CFAP99: variants seen among roughly 807,000 people sequenced by gnomAD.
The protein encoded by CFAP99 is cilia and flagella associated protein 99.
Under a neutral mutation model 82.7 loss-of-function variants are expected in CFAP99, and 84 were observed. The ratio of observed to expected loss-of-function variants is 1.02; its 90% CI spans 0.85 to 1.22. The LOEUF is 1.22. Among genes scored for constraint, CFAP99 ranks in the 50% most tolerant of loss-of-function variants. The pLI is 0.00. For missense variants in CFAP99, 1,059 were observed against 983.5 expected, an observed-to-expected ratio of 1.08 and a Z score of -1.03; for synonymous variants, 456 against 429.5, an observed-to-expected ratio of 1.06 and a Z score of -0.76.
intron 4 of CFAP99, among the ~76,000 whole-genome samples, chr4:2,438,983 C>T (rs970093641): frequency 6.6e-6 from 1 of 152,160 alleles, no homozygotes; most frequent in Non-Finnish European, 1.5e-5. Flanking sequence ...AGGATTGGCA[C>T]CCCGAGGGGG....
In CFAP99 at chr4:2,451,362, G is replaced by T; in HGVS notation, c.956+10G>T. 1.3e-6 allele frequency: 2 copies of T among 1,534,680 alleles called. No individual in the cohort carries two copies. Among genetic ancestry groups the T allele is most frequent in the Admixed American group, 3.9e-5 (2 of 50,978 alleles). ...AGCAGGAGCTGCAGAGGTGAAGGGC[G>T]GCAGGCCCCCCCACCTGCCTTCCAC... is the stretch of plus-strand genomic sequence containing the variant. On this transcript the variant is annotated intron_variant, in intron 10 of 14. Coordinates refer to ENST00000635017, the Ensembl canonical transcript of CFAP99.
intron 11 of CFAP99, among the ~76,000 whole-genome samples, chr4:2,458,489 TC>T (rs1256110332): frequency 1.3e-5 from 2 of 151,812 alleles, no homozygotes; most frequent in Non-Finnish European, 2.9e-5. Context: ...GCAGGAAGGT[TC>T]CCCCCAAGAC....
exon 4 of CFAP99, chr4:2,438,164 G>C: frequency 3.3e-6 from 5 of 1,531,502 alleles, no homozygotes; most frequent in Non-Finnish European, 4.4e-6. Context: ...AGATGTGCAA[G>C]GTGAGCCACC....
At chr4:2,425,388 C>A (rs1454657574) in intron 1 of CFAP99, among the ~76,000 whole-genome samples, 1 of 152,198 alleles carries the variant, frequency 6.6e-6, no homozygotes, top group Non-Finnish European at 1.5e-5. Context: ...CGGTGTCTCA[C>A]CAAGGACCCT....
At position 2,439,583 on chromosome 4, in the gene CFAP99, C is replaced by G. The variant is rs553784923; in HGVS notation, c.351+1419C>G. Among the ~76,000 whole-genome samples the G allele has an allele frequency of 3.9e-5, 6 of 152,338 alleles. No homozygotes were observed. The East Asian group carries it at 9.6e-4, about 24-fold the overall frequency. On this transcript the variant is annotated intron_variant, in intron 4 of 14. Transcript: ENST00000635017. ...AAGGGAGGGAGAGTGCAGCCCCGAG[C>G]CAGCACTGTACACATCAATGACACA...
chr4:2,458,579 G>A, intron 11 of CFAP99, 144 bp from the exon 12 acceptor site: 4 of 1,000,594 alleles, frequency 4.0e-6, no homozygotes, highest in Non-Finnish European at 5.5e-6. Context: ...AGGAGTGAAT[G>A]GGCTTAGACC....
At position 2,460,236 on chromosome 4, in the gene CFAP99, C is replaced by G. The variant is rs760713565; in HGVS notation, c.1655C>G (p.Ala552Gly). The G allele has an allele frequency of 5.9e-6, 9 of 1,535,930 alleles. No homozygotes were observed. In the South Asian group the frequency reaches 1.1e-4, roughly 18 times the overall value. The change falls in exon 14 of 15, where the codon GCC becomes GGC. Residue 552 changes from alanine to glycine, a missense_variant. Coordinates refer to ENST00000635017, the Ensembl canonical transcript of CFAP99. ...CGTGCAGCCATGGGGAGATCCGCAG[C>G]CTTGAGGTTGGTACTGGGCTCGGGG...
intron 11 of CFAP99, among the ~76,000 whole-genome samples, chr4:2,453,462 C>T (rs1375492622): frequency 6.6e-6 from 1 of 152,186 alleles, no homozygotes; most frequent in Non-Finnish European, 1.5e-5. Context: ...AATCGTCTCC[C>T]TGGTACTTTT....
chr4:2,424,858 T>A (rs551983504), intron 1 of CFAP99, among the ~76,000 whole-genome samples: 23 of 152,370 alleles, frequency 1.5e-4, no homozygotes, highest in African/African-American at 5.3e-4. Flanking sequence ...TCATTCCCTG[T>A]GCTAAGCTGC....
chr4:2,456,502 C>T (rs1046806157), intron 11 of CFAP99, among the ~76,000 whole-genome samples: 2 of 152,100 alleles, frequency 1.3e-5, no homozygotes, highest in African/African-American at 4.8e-5. Flanking sequence ...CATAGTGAGA[C>T]CCCGCGTCTA....
At chr4:2,460,680 C>A (rs1273947680) in intron 14 of CFAP99, among the ~76,000 whole-genome samples, 1 of 152,240 alleles carries the variant, frequency 6.6e-6, no homozygotes, top group Non-Finnish European at 1.5e-5. Context: ...AAATTCCCAA[C>A]ATCACCTAAA....
intron 6 of CFAP99, among the ~76,000 whole-genome samples, 173 bp from the exon 7 acceptor site, chr4:2,449,497 C>T (rs1036701183): frequency 2.0e-5 from 3 of 149,360 alleles, no homozygotes; most frequent in East Asian, 2.0e-4. Flanking sequence ...TTACTGCCAA[C>T]GCTGACCCAC....
intron 2 of CFAP99, among the ~76,000 whole-genome samples, chr4:2,435,415 A>C (rs941004154): frequency 9.2e-5 from 14 of 152,306 alleles, no homozygotes; most frequent in African/African-American, 3.1e-4. Flanking sequence ...TACAAAGTTA[A>C]AAGGCAAATT....
In CFAP99 at chr4:2,445,114, C is replaced by T; in HGVS notation, c.465-17C>T. 1 of 1,341,926 alleles carries T rather than the reference C, an allele frequency of 7.5e-7. No homozygotes were observed. The highest frequency in any genetic ancestry group is 9.5e-7 in the Non-Finnish European group (1 of 1,049,278). The allele number at this position is 1,341,926 out of a possible 1,614,324, so 83.1% of individuals were successfully genotyped here. A position where few individuals can be genotyped will look rare whatever the true frequency, so the allele number is the denominator to read the frequency against. On this transcript the variant is annotated splice_polypyrimidine_tract_variant and intron_variant, in intron 5 of 14. Transcript: ENST00000635017. ...TAGGGAGTGACCATAAGAGGTGTTTCCACTTTTGCCTTCAAGATGGCAGCC... is the reference window on the plus strand; with the variant it reads ...TAGGGAGTGACCATAAGAGGTGTTTTCACTTTTGCCTTCAAGATGGCAGCC...
chr4:2,462,855 G>T lies in CFAP99; in HGVS notation c.2074G>T (p.Glu692Ter). 2.2e-6 allele frequency: 3 copies of T among 1,393,050 alleles called. No individual in the cohort carries two copies. The highest frequency in any genetic ancestry group is 2.8e-6 in the Non-Finnish European group (3 of 1,073,224). The allele number at this position is 1,393,050 out of a possible 1,614,324, so 86.3% of individuals were successfully genotyped here. ...CTGGCTGGAGCTGGAGCGGAGCCGC[G>T]AGCGCAGGCTGCAGGCGCTGCAGCA... The change falls in exon 15 of 15, where the codon GAG becomes TAG. Residue 692 changes from glutamate (E) to a stop codon, truncating the protein, a stop_gained. Transcript: ENST00000635017. LOFTEE classifies it low-confidence loss of function (END_TRUNC). The surrounding 1 kb of genome is among the most constrained non-coding windows in gnomAD (Gnocchi z 4.1).
At chr4:2,422,979 A>C (rs537683686) in intron 1 of CFAP99, among the ~76,000 whole-genome samples, 14 of 152,098 alleles carry the variant, frequency 9.2e-5, no homozygotes, top group Non-Finnish European at 1.8e-4. Context: ...TCATTCTTTA[A>C]TTTTTTTGTA....
intron 11 of CFAP99, among the ~76,000 whole-genome samples, chr4:2,453,780 C>T (rs1734360717): frequency 6.8e-6 from 1 of 147,128 alleles, no homozygotes; most frequent in Non-Finnish European, 1.5e-5. Flanking sequence ...TTTAACTTGA[C>T]AAATGCAATT....
At chr4:2,457,861 C>G (rs992633870) in intron 11 of CFAP99, among the ~76,000 whole-genome samples, 1 of 152,200 alleles carries the variant, frequency 6.6e-6, no homozygotes, top group African/African-American at 2.4e-5. Flanking sequence ...CCCAGTGCAC[C>G]TGAGGAGGTG....
At position 2,459,898 on chromosome 4, in the gene CFAP99, G is replaced by A. The variant is rs1001194080; in HGVS notation, c.1456-139G>A. On this transcript the variant is annotated intron_variant, in intron 13 of 14. Transcript: ENST00000635017. ...AGCGGAGCCCAGGCTGGAGAGGCTG[G>A]GGGCATGTTTCATAAGCAGTGTTGA... 18 of 733,014 alleles carry A rather than the reference G, an allele frequency of 2.5e-5. No homozygotes were observed. The African/African-American group carries it at 2.9e-4, about 12-fold the overall frequency. 45.4% of individuals were successfully genotyped at this position (733,014 alleles called of 1,614,324 possible).
Sources: gnomAD v4.1 joint callset for allele counts (sites outside exome capture counted in the v4.1 genomes callset) on GRCh38, gnomAD v4.1.1 for gene constraint, Gnocchi (gnomAD v3.1) non-coding constraint, MANE v1.5 for transcripts, NCBI Gene and HGNC (gene_info 2026-07-23, HGNC 2026-07-21) for gene names.